Variants in ADGRA2 observed in about 807,000 individuals in gnomAD.
ADGRA2 encodes the protein G-protein coupled receptor 124.
In ADGRA2, 61 loss-of-function variants were observed where a neutral mutation model predicts 98.7. That is an observed-to-expected ratio of 0.62 (90% CI 0.50 to 0.76). The LOEUF (loss-of-function observed/expected upper bound fraction) is 0.76. ADGRA2 is among the 30% of genes least tolerant of loss of function. ADGRA2 has a pLI of 0.00. For missense variants in ADGRA2, 1,712 were observed against 1,860.0 expected, an observed-to-expected ratio of 0.92 and a Z score of 1.46; for synonymous variants, 858 against 831.5, an observed-to-expected ratio of 1.03 and a Z score of -0.55.
At position 37,826,431 on chromosome 8, in the gene ADGRA2, G is replaced by T. The variant is rs1488224482; in HGVS notation, c.339-2457G>T. ...GGGCCTAGGATCAGTGTCCTGGCAC[G>T]GTCCCTGTGTGCGCCTCACTGGGGG... is the stretch of plus-strand genomic sequence containing the variant. On this transcript the variant is annotated intron_variant, in intron 2 of 18. Transcript: ENST00000412232. 4.6e-5 allele frequency among the ~76,000 whole-genome samples: 7 copies of T among 152,140 alleles called. No homozygotes were observed. In the South Asian group the frequency reaches 1.2e-3, roughly 27 times the overall value.
Position 37,819,602 on chromosome 8 carries a change from C to T in ADGRA2, c.338+4635C>T, listed in dbSNP as rs1300134183. Among the ~76,000 whole-genome samples, 6 of 152,132 alleles carry T rather than the reference C, an allele frequency of 3.9e-5. No homozygotes were observed. In the East Asian group the frequency reaches 1.2e-3, roughly 29 times the overall value. On this transcript the variant is annotated intron_variant, in intron 2 of 18. Transcript: ENST00000412232. ...GATGAGGATGGTCTCGATCTCTTCA[C>T]CTTGTGATCCGCCCTCCTTGGCCTT...
At position 37,841,593 on chromosome 8, in the gene ADGRA2, C is replaced by T. The variant is rs1036689169; in HGVS notation, c.3255C>T (p.Pro1085=). 6.3e-7 allele frequency: 1 copy of T among 1,578,888 alleles called. No homozygotes were observed. Among genetic ancestry groups the T allele is most frequent in the African/African-American group, 1.3e-5 (1 of 74,570 alleles). The stretch of plus-strand genomic sequence containing the variant: ...GAGCCTCGTGGCGCGCCTGCTGCCC[C>T]CCTGCCTCTCCCGCGGCCCCCCATG... ...DVRASWRACC[P]PASPAAPHAP... Residue 1085 remains proline, a synonymous_variant, in exon 19 of 19, where the codon CCC becomes CCT. Coordinates refer to ENST00000412232, the MANE Select transcript of ADGRA2 (RefSeq NM_032777.10). This position sits in a 1 kb window ranked among gnomAD's most constrained non-coding sequence, Gnocchi z 5.0.
chr8:37,813,708 G>A (rs1804906249), intron 1 of ADGRA2, among the ~76,000 whole-genome samples: 1 of 152,104 alleles, frequency 6.6e-6, no homozygotes, highest in Admixed American at 6.5e-5. Context: ...GCCCTAGAAA[G>A]CCCCTTCAAC....
chr8:37,819,026 G>C (rs184885609), intron 2 of ADGRA2, among the ~76,000 whole-genome samples: 28 of 152,316 alleles, frequency 1.8e-4, no homozygotes, highest in African/African-American at 6.5e-4. Context: ...AGCGAGCCAG[G>C]GGGAGGTGGC....
At chr8:37,832,928 G>A (rs961789188) in intron 8 of ADGRA2, 82 bp from the exon 9 acceptor site, 20 of 1,088,718 alleles carry the variant, frequency 1.8e-5, no homozygotes, top group East Asian at 2.4e-5. Flanking sequence ...CAAGGAGTCC[G>A]GCCTCACCGT....
chr8:37,808,600 G>A (rs1370286093), intron 1 of ADGRA2, among the ~76,000 whole-genome samples: 1 of 151,720 alleles, frequency 6.6e-6, no homozygotes, highest in African/African-American at 2.4e-5. Flanking sequence ...ATGGGCCTGC[G>A]TGCATGTTCA....
At chr8:37,813,480 A>G (rs1217193208) in intron 1 of ADGRA2, among the ~76,000 whole-genome samples, 1 of 152,174 alleles carries the variant, frequency 6.6e-6, no homozygotes, top group Admixed American at 6.5e-5. Flanking sequence ...ACTGTGATGT[A>G]CTTTTTGACA....
rs1026169909 is a variant in ADGRA2 at position 37,802,198 on chromosome 8, T to G, written c.266+4664T>G. 2.0e-5 allele frequency among the ~76,000 whole-genome samples: 3 copies of G among 152,178 alleles called. No homozygotes were observed. The highest frequency in any genetic ancestry group is 6.5e-5 in the Admixed American group (1 of 15,276). ...CCTCCAGCTGCTGGCTGGGACTCAC[T>G]TCAGGGCCCCTCGTTACAGCCACCA... On this transcript the variant is annotated intron_variant, in intron 1 of 18. Coordinates refer to ENST00000412232, the MANE Select transcript of ADGRA2 (RefSeq NM_032777.10). The surrounding 1 kb of genome is among the most constrained non-coding windows in gnomAD (Gnocchi z 4.7).
chr8:37,816,033 A>G (rs1236114941), intron 2 of ADGRA2, among the ~76,000 whole-genome samples: 1 of 152,190 alleles, frequency 6.6e-6, no homozygotes, highest in Non-Finnish European at 1.5e-5. Flanking sequence ...GGTCAGCGCA[A>G]TGGGAGACAC....
Position 37,843,382 on chromosome 8 carries a change from A to G in ADGRA2, c.*1027A>G, listed in dbSNP as rs1000640594. ...CTCCACAGTAGAGAGAAACCTACAAAATGTCAAACCAGCTTCCCGACTCCC... is the reference window on the plus strand; with the variant it reads ...CTCCACAGTAGAGAGAAACCTACAAGATGTCAAACCAGCTTCCCGACTCCC... On this transcript the variant is annotated 3_prime_UTR_variant, in exon 19 of 19. Coordinates refer to ENST00000412232, the MANE Select transcript of ADGRA2 (RefSeq NM_032777.10). The G allele has an allele frequency of 2.6e-5, 4 of 152,396 alleles. No individual in the cohort carries two copies. In the East Asian group the frequency reaches 7.7e-4, roughly 29 times the overall value. 9.4% of individuals were successfully genotyped at this position (152,396 alleles called of 1,614,324 possible).
chr8:37,841,353 C>A lies in ADGRA2; in HGVS notation c.3015C>A (p.Pro1005=), dbSNP rs781422732. ...GCGCGCGAGTGGGGACGCCCGGGCC[C>A]CCGGAGGATGGTGACAGCCTCTATT... The part of the protein sequence containing the change: ...TGSARVGTPG[P]PEDGDSLYSP... The change falls in exon 19 of 19, where the codon CCC becomes CCA. Residue 1005 remains proline (P), a synonymous_variant. Coordinates refer to ENST00000412232, the MANE Select transcript of ADGRA2 (RefSeq NM_032777.10). This position sits in a 1 kb window ranked among gnomAD's most constrained non-coding sequence, Gnocchi z 5.0. The A allele has an allele frequency of 4.4e-6, 7 of 1,606,736 alleles. No individual in the cohort carries two copies. The South Asian group carries it at 5.5e-5, about 13-fold the overall frequency.
Position 37,837,951 on chromosome 8 carries a change from G to T in ADGRA2, c.2259+12G>T. ...TGGCCGTGCTCATGGTGGGTGTGAGGAGGGGTGACAAGTCGGGGGGGCAGG... is the reference window on the plus strand; with the variant it reads ...TGGCCGTGCTCATGGTGGGTGTGAGTAGGGGTGACAAGTCGGGGGGGCAGG... On this transcript the variant is annotated intron_variant, in intron 14 of 18. Transcript: ENST00000412232. 2.1e-6 allele frequency: 3 copies of T among 1,454,722 alleles called. No individual in the cohort carries two copies. The highest frequency in any genetic ancestry group is 2.7e-6 in the Non-Finnish European group (3 of 1,101,958). 90.1% of individuals were successfully genotyped at this position (1,454,722 alleles called of 1,614,324 possible).
In ADGRA2 at chr8:37,844,630, G is replaced by T. The variant is rs768725967; in HGVS notation, c.*2275G>T. On this transcript the variant is annotated 3_prime_UTR_variant, in exon 19 of 19. Transcript: ENST00000412232. ...TCATCTCCAGTGACAGTGGAGACAG[G>T]GGGTACAGGGCAGATCCGCTTCGGG... The T allele has an allele frequency of 4.3e-6, 7 of 1,614,060 alleles. No individual in the cohort carries two copies. Among genetic ancestry groups the T allele is most frequent in the Non-Finnish European group, 5.9e-6 (7 of 1,180,012 alleles).
rs367554198 is a variant in ADGRA2 at position 37,830,840 on chromosome 8, C to A, written c.849C>A (p.His283Gln). 4.4e-6 allele frequency: 7 copies of A among 1,592,382 alleles called. No individual in the cohort carries two copies. Among genetic ancestry groups the A allele is most frequent in the African/African-American group, 1.3e-5 (1 of 74,592 alleles). ...LGNDTRIRWY[H>Q]NRAPVEGDEQ... is the part of the protein sequence containing the mutation. Reference sequence around the variant, plus strand: ...ACGACACCCGCATCCGCTGGTACCACAACCGAGCCCCTGTGGAGGGTGATG... The same window carrying A: ...ACGACACCCGCATCCGCTGGTACCAAAACCGAGCCCCTGTGGAGGGTGATG... Residue 283 changes from histidine (H) to glutamine (Q), a missense_variant, in exon 7 of 19, where the codon CAC (histidine) becomes CAA (glutamine). Transcript: ENST00000412232. This position sits in a 1 kb window ranked among gnomAD's most constrained non-coding sequence, Gnocchi z 4.8.
intron 5 of ADGRA2, 65 bp from the exon 6 acceptor site, chr8:37,829,786 C>T: frequency 1.3e-6 from 2 of 1,527,610 alleles, no homozygotes; most frequent in Non-Finnish European, 8.9e-7. Context: ...TCCCTGGGGC[C>T]CCAGGCCACC....
chr8:37,839,593 C>T lies in ADGRA2; in HGVS notation c.2482C>T (p.Leu828Phe). 6.2e-7 allele frequency: 1 copy of T among 1,614,136 alleles called. No individual in the cohort carries two copies. Among genetic ancestry groups the T allele is most frequent in the South Asian group, 1.1e-5 (1 of 91,082 alleles). Residue 828 changes from leucine (L) to phenylalanine (F), a missense_variant, in exon 16 of 19, where the codon CTC becomes TTC. Leu to Phe is a conservative substitution (Grantham distance 22, BLOSUM62 0). Coordinates refer to ENST00000412232, the MANE Select transcript of ADGRA2 (RefSeq NM_032777.10). ...TSAVFAGGITLTNYQMVCQAV... is the reference protein window; with the variant it reads ...TSAVFAGGITFTNYQMVCQAV... Reference sequence around the variant, plus strand: ...TGCTGTCTTTGCGGGGGGCATCACACTCACCAACTACCAGATGGTCTGCCA... The same window carrying T: ...TGCTGTCTTTGCGGGGGGCATCACATTCACCAACTACCAGATGGTCTGCCA...
chr8:37,807,719 G>A (rs1804718705), intron 1 of ADGRA2, among the ~76,000 whole-genome samples: 3 of 152,164 alleles, frequency 2.0e-5, no homozygotes, highest in Admixed American at 2.0e-4. Context: ...CCAGTGGCAG[G>A]TGTTGGAGAC....
In ADGRA2 at chr8:37,831,593, G is replaced by A. The variant is rs1315357263; in HGVS notation, c.1097+6G>A. 1.9e-6 allele frequency: 3 copies of A among 1,613,316 alleles called. No individual in the cohort carries two copies. Among genetic ancestry groups the A allele is most frequent in the Non-Finnish European group, 2.5e-6 (3 of 1,179,870 alleles). On this transcript the variant is annotated splice_donor_region_variant and intron_variant, in intron 8 of 18. Coordinates refer to ENST00000412232, the MANE Select transcript of ADGRA2 (RefSeq NM_032777.10). ...AACAACCGCGGGGACTTCAGGTTTGGCCCACTCCACCCTGTAGAGGGCTGC... is the reference window on the plus strand; with the variant it reads ...AACAACCGCGGGGACTTCAGGTTTGACCCACTCCACCCTGTAGAGGGCTGC...
intron 13 of ADGRA2, 36 bp downstream of exon 13, chr8:37,835,806 C>T: frequency 7.2e-7 from 1 of 1,391,238 alleles, no homozygotes; most frequent in South Asian, 1.2e-5. Context: ...CCCAGGGTGC[C>T]TCTCGTGTGT....
Sources: gnomAD v4.1 joint callset for allele counts (sites outside exome capture counted in the v4.1 genomes callset) on GRCh38, gnomAD v4.1.1 for gene constraint, Gnocchi (gnomAD v3.1) non-coding constraint, MANE v1.5 for transcripts, NCBI Gene and HGNC (gene_info 2026-07-23, HGNC 2026-07-21) for gene names.